The following LPCAT1 variants were observed in gnomAD, a reference collection of about 807,000 sequenced individuals.
LPCAT1 encodes the protein 1-acylglycerol-3-phosphate O-acyltransferase.
A neutral mutation model predicts 60.9 loss-of-function variants in LPCAT1; 23 were observed. The ratio of observed to expected loss-of-function variants is 0.38; its 90% confidence interval spans 0.27 to 0.53. The LOEUF (loss-of-function observed/expected upper bound fraction) is 0.53, where lower values mean the gene tolerates loss of function less well. LPCAT1 is among the 20% of genes least tolerant of loss of function. LPCAT1 has a pLI of 0.82. For synonymous variants in LPCAT1, 340 were observed against 301.1 expected (o/e 1.13, Z -1.34); for missense variants, 622 against 723.6 (o/e 0.86, Z 1.61).
intron 12 of LPCAT1, among the ~76,000 whole-genome samples, chr5:1,469,147 G>A (rs2937659): frequency 4.6e-5 from 7 of 152,166 alleles, no homozygotes; most frequent in Non-Finnish European, 8.8e-5. Context: ...CCATATCAGC[G>A]GCCTGGAAGC....
In LPCAT1 at chr5:1,477,199, G is replaced by A. The variant is rs1218197383; in HGVS notation, c.899+205C>T. Among the ~76,000 whole-genome samples, 1 of 152,194 alleles carries A rather than the reference G, an allele frequency of 6.6e-6. No homozygotes were observed. The highest frequency in any genetic ancestry group is 1.5e-5 in the Non-Finnish European group (1 of 68,048). On this transcript the variant is annotated intron_variant, in intron 9 of 13. Transcript: ENST00000283415. This position sits in a 1 kb window ranked among gnomAD's most constrained non-coding sequence, Gnocchi z 6.0. Reference sequence around the variant, plus strand: ...AGAACCAGTCATGCATCTTCCCAACGTCAAAGAGGGTGAAATGCCATCAGA... The same window carrying A: ...AGAACCAGTCATGCATCTTCCCAACATCAAAGAGGGTGAAATGCCATCAGA...
In LPCAT1 at chr5:1,483,527, C is replaced by T. The variant is rs201403067; in HGVS notation, c.668-41G>A. 1,100 of 1,600,256 alleles carry T rather than the reference C, an allele frequency of 6.9e-4. 11 individuals are homozygous for T. The highest frequency in any genetic ancestry group is 1.9e-4 in the African/African-American group (14 of 74,730). The stretch of plus-strand genomic sequence containing the variant: ...CAGCGGTGTTGCCCATGGCAGCCCA[C>T]GCAGGACAGCGTCTGCTGCGTTTCT... On this transcript the variant is annotated intron_variant, in intron 5 of 13. Coordinates refer to ENST00000283415, the MANE Select transcript of LPCAT1 (RefSeq NM_024830.5). The surrounding 1 kb of genome is among the most constrained non-coding windows in gnomAD (Gnocchi z 9.2).
chr5:1,498,799 T>C (rs867656901), intron 2 of LPCAT1, among the ~76,000 whole-genome samples: 1 of 152,126 alleles, frequency 6.6e-6, no homozygotes, highest in African/African-American at 2.4e-5. Context: ...CATATACACA[T>C]GTACACACTC....
At chr5:1,479,792 T>C (rs1735061382) in intron 7 of LPCAT1, 117 bp from the exon 8 acceptor site, 1 of 763,826 alleles carries the variant, frequency 1.3e-6, no homozygotes, top group Non-Finnish European at 2.2e-6. Flanking sequence ...TACTGGGCAG[T>C]CAACGCTCCC....
rs996931435 is a variant in LPCAT1 at position 1,522,185 on chromosome 5, C to G, written c.135+1525G>C. Among the ~76,000 whole-genome samples the G allele has an allele frequency of 6.6e-6, 1 of 152,138 alleles. No individual in the cohort carries two copies. Among genetic ancestry groups the G allele is most frequent in the African/African-American group, 2.4e-5 (1 of 41,414 alleles). ...CCGGGGGCGTCCCCGCTGAGGGCTT[C>G]CGAGCAGCAGAGTGCAGGAGGAAGA... On this transcript the variant is annotated intron_variant, in intron 1 of 13. Coordinates refer to ENST00000283415, the MANE Select transcript of LPCAT1 (RefSeq NM_024830.5). This position sits in a 1 kb window ranked among gnomAD's most constrained non-coding sequence, Gnocchi z 6.8.
chr5:1,463,704 T>C lies in LPCAT1; in HGVS notation c.1552A>G (p.Ser518Gly). 6.2e-7 allele frequency: 1 copy of C among 1,614,258 alleles called. No homozygotes were observed. The highest frequency in any genetic ancestry group is 8.5e-7 in the Non-Finnish European group (1 of 1,180,042). The stretch of plus-strand genomic sequence containing the variant: ...CGCCCAGCGTCTGAGTTTTCCGGGC[T>C]GAAATCGGCACAGAAGCCGTTTGGG... Reference protein sequence around the residue: ...PIPNGFCADFSPENSDAGRKP... With the variant: ...PIPNGFCADFGPENSDAGRKP... The change falls in exon 14 of 14, where the codon AGC becomes GGC. Residue 518 changes from serine (S) to glycine (G), a missense_variant. Transcript: ENST00000283415.
At chr5:1,520,111 C>T (rs970700446) in intron 1 of LPCAT1, among the ~76,000 whole-genome samples, 3 of 152,212 alleles carry the variant, frequency 2.0e-5, no homozygotes, top group Non-Finnish European at 2.9e-5. Flanking sequence ...TGCATGTGTG[C>T]CTGGAGGGCA....
intron 8 of LPCAT1, among the ~76,000 whole-genome samples, chr5:1,479,268 A>G (rs1204952295): frequency 2.0e-5 from 3 of 152,184 alleles, no homozygotes; most frequent in Non-Finnish European, 4.4e-5. Flanking sequence ...CTGTGGTCCA[A>G]TTACGTGGGA....
chr5:1,488,371 C>A lies in LPCAT1; in HGVS notation c.667+20G>T, dbSNP rs1735448265. 2 of 1,500,318 alleles carry A rather than the reference C, an allele frequency of 1.3e-6. No individual in the cohort carries two copies. The highest frequency in any genetic ancestry group is 9.1e-7 in the Non-Finnish European group (1 of 1,097,978). 92.9% of individuals were successfully genotyped at this position (1,500,318 alleles called of 1,614,324 possible). ...TCCTTTTCTCTAGGAGAAAAATAAA[C>A]ATTTAAGAAAACTACATACCAGGTT... On this transcript the variant is annotated intron_variant, in intron 5 of 13. Coordinates refer to ENST00000283415, the MANE Select transcript of LPCAT1 (RefSeq NM_024830.5).
At position 1,522,759 on chromosome 5, in the gene LPCAT1, C is replaced by T. The variant is rs143243387; in HGVS notation, c.135+951G>A. On this transcript the variant is annotated intron_variant, in intron 1 of 13. Coordinates refer to ENST00000283415, the MANE Select transcript of LPCAT1 (RefSeq NM_024830.5). This position sits in a 1 kb window ranked among gnomAD's most constrained non-coding sequence, Gnocchi z 6.8. ...CCTACAAACCGGACAGCCCCATAGG[C>T]CCCGAAACAGTGCTTGCTTCTAGGA... 6.6e-6 allele frequency among the ~76,000 whole-genome samples: 1 copy of T among 152,304 alleles called. No individual in the cohort carries two copies. The highest frequency in any genetic ancestry group is 2.4e-5 in the African/African-American group (1 of 41,576).
At position 1,488,384 on chromosome 5, in the gene LPCAT1, T is replaced by G. The variant is rs757412207; in HGVS notation, c.667+7A>C. ...GAGAAAAATAAACATTTAAGAAAAC[T>G]ACATACCAGGTTTGAAGGTAATTAG... On this transcript the variant is annotated splice_region_variant and intron_variant, in intron 5 of 13. Transcript: ENST00000283415. 3.9e-6 allele frequency: 6 copies of G among 1,554,480 alleles called. No homozygotes were observed. In the South Asian group the frequency reaches 4.7e-5, roughly 12 times the overall value.
rs566306032 is a variant in LPCAT1, at chr5:1,477,001, C to G, written c.899+403G>C. On this transcript the variant is annotated intron_variant, in intron 9 of 13. Coordinates refer to ENST00000283415, the MANE Select transcript of LPCAT1 (RefSeq NM_024830.5). This position sits in a 1 kb window ranked among gnomAD's most constrained non-coding sequence, Gnocchi z 6.0. Reference sequence around the variant, plus strand: ...GATTAAATGTGCAACCACCACTCCACTCTGCCAGATAGAGTAAGGGCACCG... The same window carrying G: ...GATTAAATGTGCAACCACCACTCCAGTCTGCCAGATAGAGTAAGGGCACCG... Among the ~76,000 whole-genome samples the G allele has an allele frequency of 2.6e-5, 4 of 152,356 alleles. No individual in the cohort carries two copies. The highest frequency in any genetic ancestry group is 7.2e-5 in the African/African-American group (3 of 41,576).
At chr5:1,491,929 T>C (rs967602238) in intron 3 of LPCAT1, among the ~76,000 whole-genome samples, 2 of 152,216 alleles carry the variant, frequency 1.3e-5, no homozygotes, top group African/African-American at 4.8e-5. Flanking sequence ...TGTCAAAGGG[T>C]CCACGAAAGG....
chr5:1,519,987 C>G (rs892366928), intron 1 of LPCAT1, among the ~76,000 whole-genome samples: 120 of 152,362 alleles, frequency 7.9e-4, no homozygotes, highest in Non-Finnish European at 1.9e-4. Flanking sequence ...ACATCCACTG[C>G]CCGGCAATGG....
At chr5:1,499,502 T>C (rs769406375) in intron 2 of LPCAT1, among the ~76,000 whole-genome samples, 1 of 152,248 alleles carries the variant, frequency 6.6e-6, no homozygotes, top group Non-Finnish European at 1.5e-5. Context: ...TGCTTGGTTA[T>C]ATATTTGATA....
At chr5:1,498,936 T>TACAC (rs34738423) in intron 2 of LPCAT1, among the ~76,000 whole-genome samples, 39,615 of 151,964 alleles carry the variant, frequency 0.26, 6,098 homozygotes, top group Non-Finnish European at 0.34. Context: ...TGTACACACA[T>TACAC]ACACACCCTC....
At chr5:1,489,691 G>T (rs1464072963) in intron 4 of LPCAT1, 55 bp downstream of exon 4, 1 of 1,310,200 alleles carries the variant, frequency 7.6e-7, no homozygotes, top group Non-Finnish European at 1.1e-6. Flanking sequence ...CACTCGCGAA[G>T]TTCGCATCTT....
chr5:1,494,614 G>A (rs1735708846), intron 3 of LPCAT1, 86 bp downstream of exon 3: 4 of 1,265,900 alleles, frequency 3.2e-6, no homozygotes, highest in South Asian at 1.2e-5. Context: ...CCAGCAGGAG[G>A]GGAATCTCTT....
At chr5:1,463,885 C>G (rs1156246655) in intron 13 of LPCAT1, 50 bp from the exon 14 acceptor site, 43 of 1,591,004 alleles carry the variant, frequency 2.7e-5, no homozygotes, top group African/African-American at 4.0e-5. Flanking sequence ...GAGCAAATGT[C>G]TAGGATTTGG....
Sources: gnomAD v4.1 joint callset for allele counts (sites outside exome capture counted in the v4.1 genomes callset) on GRCh38, gnomAD v4.1.1 for gene constraint, Gnocchi (gnomAD v3.1) non-coding constraint, MANE v1.5 for transcripts, NCBI Gene and HGNC (gene_info 2026-07-23, HGNC 2026-07-21) for gene names.